Variants in ETV1 observed in about 807,000 individuals in gnomAD.
ETV1 encodes the protein ETS translocation variant 1.
In ETV1, 27 loss-of-function variants were observed where a neutral mutation model predicts 62.3. The observed-to-expected ratio is 0.43, with a 90% CI of 0.32 to 0.60. The LOEUF (loss-of-function observed/expected upper bound fraction) is 0.60. ETV1 is among the 20% of genes least tolerant of loss of function. The pLI, the probability that ETV1 is intolerant of heterozygous loss-of-function variation, is 0.06. For synonymous variants in ETV1, 222 were observed against 199.6 expected, an observed-to-expected ratio of 1.11 and a Z score of -0.94; for missense variants, 605 against 605.8, an observed-to-expected ratio of 1.00 and a Z score of 0.01.
chr7:13,901,409 T>A (rs140700630), intron 12 of ETV1, among the ~76,000 whole-genome samples: 1 of 152,202 alleles, frequency 6.6e-6, no homozygotes, highest in Non-Finnish European at 1.5e-5. Flanking sequence ...AATAAGGAAA[T>A]GTTCTTACAA....
intron 6 of ETV1, among the ~76,000 whole-genome samples, chr7:13,955,878 CATTTGGGA>C (rs541085092): frequency 3.4e-4 from 51 of 152,164 alleles, no homozygotes; most frequent in African/African-American, 1.2e-3. Flanking sequence ...CATCGGGATC[CATTTGGGA>C]GTTCTGAATC....
chr7:13,946,104 A>T (rs560580548), intron 6 of ETV1, among the ~76,000 whole-genome samples: 1 of 151,988 alleles, frequency 6.6e-6, no homozygotes, highest in African/African-American at 2.4e-5. Context: ...AAGTGAGTTG[A>T]CTCCTTCATT....
At chr7:13,930,580 C>G (rs1331417275) in intron 9 of ETV1, among the ~76,000 whole-genome samples, 1 of 152,004 alleles carries the variant, frequency 6.6e-6, no homozygotes, top group Non-Finnish European at 1.5e-5. Context: ...CTCGGCCTCC[C>G]AAAGTGCTGG....
intron 6 of ETV1, among the ~76,000 whole-genome samples, chr7:13,958,435 T>C (rs776944872): frequency 7.9e-5 from 12 of 152,208 alleles, no homozygotes; most frequent in Non-Finnish European, 1.2e-4. Flanking sequence ...AATTAATACC[T>C]GGTCTTGTCC....
At chr7:13,918,408 C>T (rs1000438998) in intron 9 of ETV1, among the ~76,000 whole-genome samples, 4 of 152,162 alleles carry the variant, frequency 2.6e-5, no homozygotes, top group Non-Finnish European at 1.5e-5. Flanking sequence ...ATAAATCATG[C>T]TGCTATAAAG....
upstream of ETV1, chr7:13,991,404 G>T (rs1782996452): frequency 6.6e-6 from 1 of 152,258 alleles, no homozygotes; most frequent in South Asian, 2.1e-4. Flanking sequence ...TCCCGGCGAG[G>T]TTCTTCCCGC....
At chr7:13,896,773 A>AAAGAAAGAAAGC (rs1781876360) in intron 13 of ETV1, among the ~76,000 whole-genome samples, 1 of 150,230 alleles carries the variant, frequency 6.7e-6, no homozygotes, top group East Asian at 1.9e-4. Flanking sequence ...AGAAAGAAAG[A>AAAGAAAGAAAGC]AAGAAAGAAA....
intron 6 of ETV1, among the ~76,000 whole-genome samples, chr7:13,946,820 ACT>A (rs753190385): frequency 7.2e-5 from 11 of 151,902 alleles, no homozygotes; most frequent in Non-Finnish European, 1.5e-4. Context: ...ACAGAGTCTC[ACT>A]CTGTCTCCCA....
chr7:13,917,326 ATTTATT>A lies in ETV1; in HGVS notation c.803-6025_803-6020del, dbSNP rs1281890021. 4.8e-5 allele frequency among the ~76,000 whole-genome samples: 7 copies of A among 146,686 alleles called. No individual in the cohort carries two copies. In the Admixed American group the frequency reaches 4.8e-4, roughly 10 times the overall value. ...TATTTATTTATTTATTTATTTATTT[ATTTATT>A]TTGAGACGGAGTTTCGCTCTTGTTG... On this transcript the variant is annotated intron_variant, in intron 9 of 13. Coordinates refer to ENST00000430479, the MANE Select transcript of ETV1 (RefSeq NM_004956.5).
At chr7:13,918,847 A>T (rs148927290) in intron 9 of ETV1, among the ~76,000 whole-genome samples, 5,511 of 146,340 alleles carry the variant, frequency 0.038, 352 homozygotes, top group African/African-American at 0.13. Flanking sequence ...CACAATGTGC[A>T]CATGTACCCT....
In ETV1 at chr7:13,916,475, T is replaced by C. The variant is rs375765238; in HGVS notation, c.803-5168A>G. Among the ~76,000 whole-genome samples, 3 of 151,446 alleles carry C rather than the reference T, an allele frequency of 2.0e-5. No homozygotes were observed. In the East Asian group the frequency reaches 5.9e-4, roughly 30 times the overall value. On this transcript the variant is annotated intron_variant, in intron 9 of 13. Coordinates refer to ENST00000430479, the MANE Select transcript of ETV1 (RefSeq NM_004956.5). ...CAACATGGTGAAAACCTGTCTCTAC[T>C]AAAAATACAAAATTTAGCTGGGCAT...
At chr7:13,923,201 G>A (rs1462736309) in intron 9 of ETV1, among the ~76,000 whole-genome samples, 1 of 152,064 alleles carries the variant, frequency 6.6e-6, no homozygotes, top group Non-Finnish European at 1.5e-5. Context: ...TAACCATGTT[G>A]TTCTTGCTCC....
chr7:13,987,036 A>G (rs562213612), intron 4 of ETV1: 2 of 208,704 alleles, frequency 9.6e-6, no homozygotes, highest in African/African-American at 4.7e-5. Context: ...AAATATATTT[A>G]ACTCTTGCTA....
intron 4 of ETV1, 150 bp downstream of exon 4, chr7:13,987,936 T>G (rs947468572): frequency 1.4e-5 from 8 of 590,070 alleles, no homozygotes; most frequent in African/African-American, 7.5e-5. Flanking sequence ...ACTGCCGCAT[T>G]ATGTAAATCG....
chr7:13,897,676 T>G (rs1274989556), intron 13 of ETV1, among the ~76,000 whole-genome samples: 1 of 152,144 alleles, frequency 6.6e-6, no homozygotes, highest in Non-Finnish European at 1.5e-5. Context: ...TTTATTTACT[T>G]TAGTCCTTCA....
At chr7:13,904,298 C>T (rs1021315101) in intron 12 of ETV1, among the ~76,000 whole-genome samples, 2 of 152,200 alleles carry the variant, frequency 1.3e-5, no homozygotes, top group African/African-American at 4.8e-5. Context: ...AAACGCTCTA[C>T]TGACTCTGAA....
intron 10 of ETV1, among the ~76,000 whole-genome samples, chr7:13,910,755 C>G (rs1178946724): frequency 2.6e-5 from 4 of 152,196 alleles, no homozygotes; most frequent in Non-Finnish European, 5.9e-5. Context: ...ACAAGCCTGT[C>G]TATGAGAAAA....
chr7:13,933,826 G>A (rs187541392), intron 8 of ETV1, among the ~76,000 whole-genome samples: 176 of 152,304 alleles, frequency 1.2e-3, no homozygotes, highest in African/African-American at 3.8e-3. Flanking sequence ...GTTCCGGGCC[G>A]GCTGTTCTCA....
In ETV1 at chr7:13,909,719, T is replaced by C; in HGVS notation, c.872-19A>G. The stretch of plus-strand genomic sequence containing the variant: ...ATACAGCCTGTGGATGAAAAAGGAA[T>C]ACATTTATTCATGATAGAAATGAAG... On this transcript the variant is annotated intron_variant, in intron 10 of 13. Transcript: ENST00000430479. 1 of 1,587,746 alleles carries C rather than the reference T, an allele frequency of 6.3e-7. No homozygotes were observed. The highest frequency in any genetic ancestry group is 8.6e-7 in the Non-Finnish European group (1 of 1,156,890).
Sources: allele counts gnomAD v4.1 joint callset (sites outside exome capture counted in the v4.1 genomes callset), GRCh38; gene constraint gnomAD v4.1.1; transcripts MANE v1.5; gene names NCBI Gene and HGNC (gene_info 2026-07-23, HGNC 2026-07-21).